MTREX: variants seen among roughly 807,000 people sequenced by gnomAD.
The protein encoded by MTREX is Mtr4 exosome RNA helicase.
A neutral mutation model predicts 135.4 loss-of-function variants in MTREX; 76 were observed. That is an observed-to-expected ratio of 0.56 (90% confidence interval 0.47 to 0.68). MTREX has a LOEUF of 0.68. MTREX is among the 30% of genes least tolerant of loss of function. The pLI, the probability that MTREX is intolerant of heterozygous loss-of-function variation, is 0.00. For missense variants in MTREX, 920 were observed against 1,262.1 expected (o/e 0.73, Z 4.11); for synonymous variants, 404 against 401.6 (o/e 1.01, Z -0.07).
intron 1 of MTREX, among the ~76,000 whole-genome samples, chr5:55,310,282 C>T (rs1749089617): frequency 6.6e-6 from 1 of 152,116 alleles, no homozygotes; most frequent in African/African-American, 2.4e-5. Context: ...TGTTTACTAC[C>T]AACACTTCTA....
chr5:55,350,333 T>G (rs1749806499), intron 12 of MTREX, among the ~76,000 whole-genome samples: 1 of 152,246 alleles, frequency 6.6e-6, no homozygotes, highest in South Asian at 2.1e-4. Context: ...ATAACATGTT[T>G]CTTGCTATTT....
chr5:55,410,307 G>C (rs1750866299), intron 22 of MTREX, among the ~76,000 whole-genome samples: 1 of 152,010 alleles, frequency 6.6e-6, no homozygotes, highest in Non-Finnish European at 1.5e-5. Context: ...TTGATATTTG[G>C]AATCTTTATG....
chr5:55,425,326 A>G lies in MTREX; in HGVS notation c.*554A>G, dbSNP rs764365466. ...TTCTTTCTTTGAAGAAATCCGATAC[A>G]TATACAGCCTACAGTGCAAAATATT... On this transcript the variant is annotated 3_prime_UTR_variant, in exon 27 of 27. Coordinates refer to ENST00000230640, the MANE Select transcript of MTREX (RefSeq NM_015360.5). 6.2e-7 allele frequency: 1 copy of G among 1,602,064 alleles called. No homozygotes were observed. Among genetic ancestry groups the G allele is most frequent in the Non-Finnish European group, 8.5e-7 (1 of 1,170,026 alleles).
chr5:55,338,789 T>TC (rs1554031278), intron 5 of MTREX, among the ~76,000 whole-genome samples: 4 of 136,816 alleles, frequency 2.9e-5, no homozygotes, highest in African/African-American at 1.1e-4. Context: ...TCTTTTTCTT[T>TC]TTTTTTTTTT....
At chr5:55,332,346 A>G (rs1324181603) in intron 5 of MTREX, among the ~76,000 whole-genome samples, 5 of 152,192 alleles carry the variant, frequency 3.3e-5, no homozygotes, top group African/African-American at 1.2e-4. Context: ...TGAGTAGCTG[A>G]ATTAGGTACT....
chr5:55,416,100 C>T lies in MTREX; in HGVS notation c.2939C>T (p.Ala980Val). ...ACCTGGGCAACTGGAGCTACATTTG[C>T]CCATATCTGCAAAATGACAGATGTC... ...VYTWATGATF[A>V]HICKMTDVFE... The change falls in exon 25 of 27, where the codon GCC becomes GTC. Residue 980 changes from alanine to valine, a missense_variant. Around this residue, in one of 6 missense-constraint regions of MTREX, gnomAD observed 467 missense variants for 589.7 expected, o/e 0.79. Transcript: ENST00000230640. 6.3e-7 allele frequency: 1 copy of T among 1,587,882 alleles called. No individual in the cohort carries two copies. The highest frequency in any genetic ancestry group is 8.5e-7 in the Non-Finnish European group (1 of 1,171,392).
chr5:55,342,058 A>G (rs1749658214), intron 7 of MTREX, among the ~76,000 whole-genome samples: 2 of 152,048 alleles, frequency 1.3e-5, no homozygotes, highest in Admixed American at 1.3e-4. Context: ...GACGTGTACC[A>G]CCATGTCTGG....
intron 13 of MTREX, 26 bp downstream of exon 13, chr5:55,351,055 G>A: frequency 6.4e-7 from 1 of 1,574,234 alleles, no homozygotes; most frequent in East Asian, 2.3e-5. Context: ...TATTTTTTAT[G>A]CCCCCATATC....
Position 55,344,542 on chromosome 5 carries a change from A to G in MTREX, c.927A>G (p.Thr309=), listed in dbSNP as rs981685193. 58 of 1,610,298 alleles carry G rather than the reference A, an allele frequency of 3.6e-5. No individual in the cohort carries two copies. Among genetic ancestry groups the G allele is most frequent in the Non-Finnish European group, 4.9e-5 (58 of 1,177,010 alleles). The part of the protein sequence containing the change: ...LHKQPCHVIY[T]DYRPTPLQHY... Reference sequence around the variant, plus strand: ...TACAGCCTTGTCATGTTATTTACACAGATTATCGGCCCACTCCATTGCAAC... The same window carrying G: ...TACAGCCTTGTCATGTTATTTACACGGATTATCGGCCCACTCCATTGCAAC... Residue 309 remains threonine, a synonymous_variant, in exon 9 of 27, where the codon ACA becomes ACG. Transcript: ENST00000230640.
intron 1 of MTREX, among the ~76,000 whole-genome samples, chr5:55,318,819 G>A (rs1200172166): frequency 6.6e-6 from 1 of 151,990 alleles, no homozygotes; most frequent in Non-Finnish European, 1.5e-5. Flanking sequence ...CTCTAGGCGA[G>A]ATACAATGGT....
At chr5:55,397,617 G>C (rs1750666580) in intron 20 of MTREX, 91 bp downstream of exon 20, 1 of 702,218 alleles carries the variant, frequency 1.4e-6, no homozygotes, top group African/African-American at 1.8e-5. Flanking sequence ...TAAATATATT[G>C]CTTTCTTTCA....
chr5:55,420,054 C>G (rs1461415573), intron 25 of MTREX, among the ~76,000 whole-genome samples: 8 of 152,164 alleles, frequency 5.3e-5, no homozygotes, highest in Non-Finnish European at 1.2e-4. Context: ...CTGATACTTA[C>G]TCGTTTAATG....
chr5:55,325,330 T>G (rs539506124), intron 3 of MTREX, among the ~76,000 whole-genome samples: 89 of 128,984 alleles, frequency 6.9e-4, no homozygotes, highest in East Asian at 6.8e-3. Context: ...TTTGGGGGGG[T>G]TTTTTTTTGT....
In MTREX at chr5:55,366,787, A is replaced by G. The variant is rs1395546112; in HGVS notation, c.1722A>G (p.Leu574=). ...HLTYNMVLNL[L]RVEEINPEYM... ...CCTACAACATGGTTTTGAACTTACT[A>G]CGTGTAGAAGAAATTAATCCTGAGT... The change falls in exon 16 of 27, where the codon CTA becomes CTG. Residue 574 remains leucine (L), a synonymous_variant. Transcript: ENST00000230640. The G allele has an allele frequency of 5.0e-6, 8 of 1,611,468 alleles. No individual in the cohort carries two copies. The highest frequency in any genetic ancestry group is 6.8e-6 in the Non-Finnish European group (8 of 1,178,690).
chr5:55,330,813 A>G (rs1372214419), intron 5 of MTREX, among the ~76,000 whole-genome samples: 1 of 152,128 alleles, frequency 6.6e-6, no homozygotes, highest in Non-Finnish European at 1.5e-5. Context: ...CTCAAGTTAT[A>G]CTTACAGCAG....
intron 10 of MTREX, 52 bp downstream of exon 10, chr5:55,345,248 G>C (rs1749712077): frequency 1.8e-6 from 2 of 1,138,420 alleles, no homozygotes; most frequent in Non-Finnish European, 1.3e-6. Context: ...TGTATATTCA[G>C]ATTACTCTGA....
intron 25 of MTREX, among the ~76,000 whole-genome samples, chr5:55,421,439 C>A (rs1751054225): frequency 6.6e-6 from 1 of 152,284 alleles, no homozygotes; most frequent in Admixed American, 6.5e-5. Flanking sequence ...TTGCTTGTTA[C>A]CTGAAACTGT....
chr5:55,418,403 C>T (rs554267182), intron 25 of MTREX, among the ~76,000 whole-genome samples: 1 of 145,738 alleles, frequency 6.9e-6, no homozygotes, highest in Non-Finnish European at 1.5e-5. Flanking sequence ...GAAGATAAAT[C>T]CTAAACTGCC....
Position 55,424,819 on chromosome 5 carries a change from G to C in MTREX, c.*47G>C, listed in dbSNP as rs755565797. ...ATTTTAAATTATTGACCACCTGTTTGATTACAGTTGACTACAAATGCCTGC... is the reference window on the plus strand; with the variant it reads ...ATTTTAAATTATTGACCACCTGTTTCATTACAGTTGACTACAAATGCCTGC... On this transcript the variant is annotated 3_prime_UTR_variant, in exon 27 of 27. Coordinates refer to ENST00000230640, the MANE Select transcript of MTREX (RefSeq NM_015360.5). 1 of 1,362,280 alleles carries C rather than the reference G, an allele frequency of 7.3e-7. No individual in the cohort carries two copies. The allele number at this position is 1,362,280 out of a possible 1,614,324, so 84.4% of individuals were successfully genotyped here. A position where few individuals can be genotyped will look rare whatever the true frequency, so the allele number is the denominator to read the frequency against.
Sources: allele counts gnomAD v4.1 joint callset (sites outside exome capture counted in the v4.1 genomes callset), GRCh38; gene constraint gnomAD v4.1.1; regional missense constraint gnomAD v4.1.1; transcripts MANE v1.5; gene names NCBI Gene and HGNC (gene_info 2026-07-23, HGNC 2026-07-21).